Variants in NRG4 observed in about 807,000 individuals in gnomAD.
NRG4 encodes the protein neuregulin 4, also known as pro-neuregulin-4, membrane-bound isoform.
NRG4 carries 10 observed loss-of-function variants against 15.0 expected under a neutral mutation model. The observed-to-expected ratio is 0.67, with a 90% CI of 0.41 to 1.13. The LOEUF (loss-of-function observed/expected upper bound fraction) is 1.13. NRG4 is among the 50% of genes most tolerant of loss of function. NRG4 has a pLI of 0.00. For missense variants in NRG4, 139 were observed against 140.2 expected (o/e 0.99, Z 0.04); for synonymous variants, 41 against 50.1 (o/e 0.82, Z 0.77).
intron 4 of NRG4, among the ~76,000 whole-genome samples, chr15:76,036,957 G>T (rs1304561269): frequency 6.6e-6 from 1 of 152,114 alleles, no homozygotes; most frequent in East Asian, 1.9e-4. Flanking sequence ...AGCCTTATTT[G>T]CAGATGACAT....
chr15:75,951,792 T>C (rs335733), intron 5 of NRG4, among the ~76,000 whole-genome samples: 142,806 of 152,270 alleles, frequency 0.94, 67,284 homozygotes, highest in East Asian at 1. Context: ...AAGTCCCATA[T>C]TATGTTGTTA....
chr15:75,950,399 A>C (rs111939229), intron 5 of NRG4: 2,631 of 204,962 alleles, frequency 0.013, 73 homozygotes, highest in African/African-American at 0.056. Context: ...GGAAAATCAA[A>C]ACCCTCTGAG....
Position 75,943,376 on chromosome 15 carries a change from C to T in NRG4, c.*262G>A. The T allele has an allele frequency of 2.3e-6, 1 of 437,398 alleles. No individual in the cohort carries two copies. The highest frequency in any genetic ancestry group is 4.0e-6 in the Non-Finnish European group (1 of 247,502). The allele number at this position is 437,398 out of a possible 1,614,324, so 27.1% of individuals were successfully genotyped here. A position where few individuals can be genotyped will look rare whatever the true frequency, so the allele number is the denominator to read the frequency against. On this transcript the variant is annotated 3_prime_UTR_variant, in exon 6 of 6. Transcript: ENST00000394907. ...GCCTCTGGTTGCTTCAGCACATCAG[C>T]TTTCTGGGGAGAGTCATGTTGAACC...
chr15:76,007,604 T>C (rs1336081346), intron 3 of NRG4, among the ~76,000 whole-genome samples: 3 of 152,008 alleles, frequency 2.0e-5, no homozygotes, highest in Non-Finnish European at 4.4e-5. Context: ...TAATTTTTTG[T>C]ATTTTTAATA....
chr15:75,996,955 GAGGT>G (rs1414660332), intron 3 of NRG4, among the ~76,000 whole-genome samples: 1 of 152,128 alleles, frequency 6.6e-6, no homozygotes, highest in Non-Finnish European at 1.5e-5. Context: ...TAAAAAGGAT[GAGGT>G]AGGTGTCAAT....
At chr15:76,057,878 C>A (rs903686360) in intron 1 of NRG4, among the ~76,000 whole-genome samples, 2 of 150,526 alleles carry the variant, frequency 1.3e-5, no homozygotes, top group Admixed American at 1.3e-4. Flanking sequence ...CTATAAATAG[C>A]CATTGTAGAA....
intron 5 of NRG4, among the ~76,000 whole-genome samples, chr15:76,021,211 C>T (rs912685603): frequency 1.3e-5 from 2 of 152,324 alleles, no homozygotes; most frequent in African/African-American, 4.8e-5. Context: ...GCCTTGATGA[C>T]AGCACATCTG....
At chr15:75,967,929 G>A (rs1192353059) in intron 3 of NRG4, among the ~76,000 whole-genome samples, 1 of 152,134 alleles carries the variant, frequency 6.6e-6, no homozygotes, top group Non-Finnish European at 1.5e-5. Context: ...CATTGTGAAG[G>A]ACTATAATTT....
intron 4 of NRG4, among the ~76,000 whole-genome samples, chr15:76,051,566 T>C (rs2036017316): frequency 7.3e-6 from 1 of 136,524 alleles, no homozygotes; most frequent in Admixed American, 7.2e-5. Context: ...AACAATCTTC[T>C]TTTTTTTTTT....
At chr15:76,018,772 C>G (rs1009674492) in intron 5 of NRG4, among the ~76,000 whole-genome samples, 3 of 152,286 alleles carry the variant, frequency 2.0e-5, no homozygotes, top group African/African-American at 7.2e-5. Context: ...TTGACCCCTA[C>G]TGGGAGGTGT....
At chr15:75,990,753 G>A (rs1003030373) in intron 3 of NRG4, among the ~76,000 whole-genome samples, 35 of 145,584 alleles carry the variant, frequency 2.4e-4, no homozygotes, top group Admixed American at 5.7e-4. Flanking sequence ...CATAATCATA[G>A]CCCACTGTAC....
chr15:76,043,304 T>C (rs548268158), intron 4 of NRG4, among the ~76,000 whole-genome samples: 1 of 152,114 alleles, frequency 6.6e-6, no homozygotes, highest in Non-Finnish European at 1.5e-5. Flanking sequence ...CCTAGAGCAA[T>C]AGGACAAGAG....
At chr15:75,996,686 G>GT (rs2034228227) in intron 3 of NRG4, among the ~76,000 whole-genome samples, 1 of 152,048 alleles carries the variant, frequency 6.6e-6, no homozygotes, top group African/African-American at 2.4e-5. Flanking sequence ...TCTACATAAT[G>GT]ATAGTACTAG....
chr15:75,955,538 G>C (rs779739088), intron 5 of NRG4, among the ~76,000 whole-genome samples: 11 of 152,122 alleles, frequency 7.2e-5, no homozygotes, highest in Non-Finnish European at 1.3e-4. Context: ...GAAGTCTCAA[G>C]ACAATTTTAA....
At chr15:76,033,304 C>G (rs1301698295) in intron 5 of NRG4, among the ~76,000 whole-genome samples, 1 of 152,154 alleles carries the variant, frequency 6.6e-6, no homozygotes, top group African/African-American at 2.4e-5. Flanking sequence ...GCCTGTCATC[C>G]TAGCACATTA....
chr15:75,973,278 GT>G (rs2033200457), intron 3 of NRG4, among the ~76,000 whole-genome samples: 1 of 151,004 alleles, frequency 6.6e-6, no homozygotes, highest in Non-Finnish European at 1.5e-5. Flanking sequence ...GGGGCTGAGG[GT>G]TTTCTAAATA....
chr15:75,994,465 T>G (rs1273873897), intron 3 of NRG4, among the ~76,000 whole-genome samples: 1 of 152,242 alleles, frequency 6.6e-6, no homozygotes, highest in Non-Finnish European at 1.5e-5. Context: ...ACTCACCCAG[T>G]GACATTCCCT....
At chr15:75,958,022 AT>A (rs1045110817) in intron 4 of NRG4, among the ~76,000 whole-genome samples, 18 of 150,992 alleles carry the variant, frequency 1.2e-4, no homozygotes, top group Admixed American at 1.2e-3. Context: ...TCTATTTTTT[AT>A]TTTTTTTGAG....
intron 5 of NRG4, among the ~76,000 whole-genome samples, chr15:76,027,045 C>T (rs2035336182): frequency 6.6e-6 from 1 of 151,918 alleles, no homozygotes; most frequent in African/African-American, 2.4e-5. Context: ...GGTATGAGCC[C>T]GGGAGGCAGA....
Sources: allele counts gnomAD v4.1 joint callset (sites outside exome capture counted in the v4.1 genomes callset), GRCh38; gene constraint gnomAD v4.1.1; transcripts MANE v1.5; gene names NCBI Gene and HGNC (gene_info 2026-07-23, HGNC 2026-07-21).